SLC35D2: variants seen among roughly 807,000 people sequenced by gnomAD.
The protein encoded by SLC35D2 is nucleotide sugar transporter SLC35D2.
In SLC35D2, 43 loss-of-function variants were observed where a neutral mutation model predicts 41.8. That is an observed-to-expected ratio of 1.03 (90% CI 0.81 to 1.33). The LOEUF (loss-of-function observed/expected upper bound fraction) is 1.33. SLC35D2 is among the 40% of genes most tolerant of loss of function. The pLI is 0.00. For synonymous variants in SLC35D2, 150 were observed against 163.9 expected, an observed-to-expected ratio of 0.92 and a Z score of 0.65; for missense variants, 380 against 408.4, an observed-to-expected ratio of 0.93 and a Z score of 0.60.
In SLC35D2 at chr9:96,336,665, C is replaced by G. The variant is rs1166525985; in HGVS notation, c.752+52G>C. The G allele has an allele frequency of 2.6e-5, 28 of 1,082,840 alleles. No individual in the cohort carries two copies. In the East Asian group the frequency reaches 6.3e-4, roughly 24 times the overall value. 67.1% of individuals were successfully genotyped at this position (1,082,840 alleles called of 1,614,324 possible). Reference sequence around the variant, plus strand: ...AGACAGAAGGCATATCTTGATTTGACTTGTCAAGAGATACTGTTGACCAAT... The same window carrying G: ...AGACAGAAGGCATATCTTGATTTGAGTTGTCAAGAGATACTGTTGACCAAT... On this transcript the variant is annotated intron_variant, in intron 9 of 11. Transcript: ENST00000253270.
rs199529394 is a variant in SLC35D2, at chr9:96,343,576, C to CA, written c.684+327dup. Among the ~76,000 whole-genome samples the CA allele has an allele frequency of 4.2e-3, 634 of 152,292 alleles. 12 individuals carry two copies. Among genetic ancestry groups the CA allele is most frequent in the East Asian group, 9.4e-3 (49 of 5,186 alleles). ...AAACAAACCTATGTTTTAAAATGAT[C>CA]AAAATCCCCTTCTAGGGTAAGTAGC... On this transcript the variant is annotated intron_variant, in intron 8 of 11. Transcript: ENST00000253270.
chr9:96,368,917 A>G (rs865853781), intron 1 of SLC35D2, among the ~76,000 whole-genome samples: 15 of 151,978 alleles, frequency 9.9e-5, no homozygotes, highest in African/African-American at 3.4e-4. Flanking sequence ...GGCGCGCACC[A>G]CCATGCCCGG....
At chr9:96,353,166 A>C (rs1378253660) in intron 4 of SLC35D2, among the ~76,000 whole-genome samples, 1 of 152,210 alleles carries the variant, frequency 6.6e-6, no homozygotes, top group African/African-American at 2.4e-5. Flanking sequence ...CCTAAATGTC[A>C]GACATCACAA....
At chr9:96,355,080 C>T (rs149389695) in intron 4 of SLC35D2, among the ~76,000 whole-genome samples, 1 of 151,208 alleles carries the variant, frequency 6.6e-6, no homozygotes, top group South Asian at 2.1e-4. Context: ...AGTGCAGTGG[C>T]GTCATCTTGG....
At chr9:96,347,191 C>T (rs1038774562) in intron 6 of SLC35D2, among the ~76,000 whole-genome samples, 1 of 152,124 alleles carries the variant, frequency 6.6e-6, no homozygotes. Context: ...TGTGATTCAG[C>T]GTGAAGAAGA....
intron 2 of SLC35D2, 73 bp downstream of exon 2, chr9:96,368,199 A>G (rs1830548986): frequency 7.9e-7 from 1 of 1,271,312 alleles, no homozygotes; most frequent in Non-Finnish European, 1.1e-6. Flanking sequence ...ACAGCTTTAA[A>G]CAAAAGGACT....
At chr9:96,320,515 CAAA>C (rs11332811), downstream of SLC35D2, among the ~76,000 whole-genome samples, 16 of 124,240 alleles carry the variant, frequency 1.3e-4, no homozygotes, top group East Asian at 2.2e-4. Flanking sequence ...GACTCTGTCT[CAAA>C]AAAAAAAAAA....
At chr9:96,380,695 G>A (rs1271424263) in intron 1 of SLC35D2, among the ~76,000 whole-genome samples, 4 of 151,306 alleles carry the variant, frequency 2.6e-5, no homozygotes, top group South Asian at 2.1e-4. Context: ...GGCTGGTCTC[G>A]AAATCCTGAC....
chr9:96,378,268 T>TAA (rs560408413), intron 1 of SLC35D2, among the ~76,000 whole-genome samples: 19 of 121,178 alleles, frequency 1.6e-4, no homozygotes, highest in South Asian at 2.7e-4. Flanking sequence ...ACTCCATCTC[T>TAA]AAAAAAAAAA....
intron 1 of SLC35D2, among the ~76,000 whole-genome samples, chr9:96,382,622 A>C (rs558179874): frequency 2.0e-5 from 3 of 151,694 alleles, no homozygotes; most frequent in East Asian, 2.0e-4. Context: ...ACATAAGCTG[A>C]ATCTGTATGT....
rs910701008 is a variant in SLC35D2, at chr9:96,341,669, T to C, written c.684+2235A>G. ...ACATGAGAAAGCAGAAGATTCCACA[T>C]GATAATCATTACAGGCAGAGGGCAA... On this transcript the variant is annotated intron_variant, in intron 8 of 11. Coordinates refer to ENST00000253270, the MANE Select transcript of SLC35D2 (RefSeq NM_007001.3). 3.9e-5 allele frequency among the ~76,000 whole-genome samples: 6 copies of C among 152,200 alleles called. 1 individual carries two copies. Among genetic ancestry groups the C allele is most frequent in the Admixed American group, 3.3e-4 (5 of 15,274 alleles).
intron 4 of SLC35D2, among the ~76,000 whole-genome samples, chr9:96,356,382 C>CT (rs199569097): frequency 0.026 from 2,663 of 101,364 alleles, 27 homozygotes; most frequent in African/African-American, 0.041. Context: ...TTTATTTATT[C>CT]TTTTTTTTTT....
downstream of SLC35D2, among the ~76,000 whole-genome samples, chr9:96,318,028 G>A (rs538997235): frequency 2.8e-5 from 3 of 107,012 alleles, no homozygotes; most frequent in East Asian, 2.8e-4. Context: ...AGAGCAAGAC[G>A]TTGTCTCAAA....
intron 2 of SLC35D2, among the ~76,000 whole-genome samples, chr9:96,368,036 G>T (rs952709684): frequency 3.9e-5 from 6 of 152,136 alleles, no homozygotes; most frequent in African/African-American, 1.2e-4. Context: ...ATTAAATTCA[G>T]TTAAGGAACT....
At chr9:96,325,064 T>G (rs1828459358) in intron 9 of SLC35D2, among the ~76,000 whole-genome samples, 1 of 152,226 alleles carries the variant, frequency 6.6e-6, no homozygotes, top group Non-Finnish European at 1.5e-5. Context: ...ATTCCACTTG[T>G]GGATAATGCT....
At chr9:96,317,307 T>C (rs1351711565), downstream of SLC35D2, among the ~76,000 whole-genome samples, 5 of 152,174 alleles carry the variant, frequency 3.3e-5, no homozygotes, top group Admixed American at 2.6e-4. Flanking sequence ...GGAAAAATTA[T>C]ATCTGGAGAC....
At chr9:96,379,652 C>T (rs1389781536) in intron 1 of SLC35D2, among the ~76,000 whole-genome samples, 1 of 152,184 alleles carries the variant, frequency 6.6e-6, no homozygotes, top group Non-Finnish European at 1.5e-5. Flanking sequence ...GATCCGATTT[C>T]TATGGTTTAT....
At chr9:96,378,287 G>T (rs929831186) in intron 1 of SLC35D2, among the ~76,000 whole-genome samples, 6 of 150,216 alleles carry the variant, frequency 4.0e-5, no homozygotes, top group African/African-American at 7.4e-5. Context: ...AAAAAAAACA[G>T]CTGGGCACGA....
At chr9:96,335,310 T>C (rs143587031) in intron 9 of SLC35D2, among the ~76,000 whole-genome samples, 67 of 152,236 alleles carry the variant, frequency 4.4e-4, no homozygotes, top group African/African-American at 1.5e-3. Flanking sequence ...AAAACTACAG[T>C]GTGGAGGCGA....
Sources: gnomAD v4.1 joint callset for allele counts (sites outside exome capture counted in the v4.1 genomes callset) on GRCh38, gnomAD v4.1.1 for gene constraint, MANE v1.5 for transcripts, NCBI Gene and HGNC (gene_info 2026-07-23, HGNC 2026-07-21) for gene names.